The following RELN variants were observed in gnomAD, a reference collection of about 807,000 sequenced individuals.
The protein encoded by RELN is reelin.
A neutral mutation model predicts 427.6 loss-of-function variants in RELN; 108 were observed. That is an observed-to-expected ratio of 0.25 (90% CI 0.22 to 0.30). RELN has a LOEUF of 0.30. Among genes scored for constraint, RELN ranks in the 10% least tolerant of loss-of-function variants. RELN has a pLI of 1.00. For synonymous variants in RELN, 1,524 were observed against 1,513.4 expected (o/e 1.01, Z -0.16); for missense variants, 3,715 against 4,302.8 (o/e 0.86, Z 3.82).
chr7:103,866,319 T>A (rs1464991169), intron 2 of RELN, among the ~76,000 whole-genome samples: 1 of 151,952 alleles, frequency 6.6e-6, no homozygotes, highest in Admixed American at 6.6e-5. Flanking sequence ...GAAAAACATA[T>A]CAAAACAGAT....
chr7:103,548,336 A>G (rs967589886), intron 41 of RELN, among the ~76,000 whole-genome samples: 1 of 152,188 alleles, frequency 6.6e-6, no homozygotes, highest in Non-Finnish European at 1.5e-5. Flanking sequence ...ATTTTTGTAT[A>G]TATATATGCT....
intron 8 of RELN, among the ~76,000 whole-genome samples, chr7:103,718,316 A>T (rs1311724734): frequency 2.9e-5 from 4 of 135,886 alleles, no homozygotes; most frequent in African/African-American, 5.7e-5. Flanking sequence ...AAATGATAAA[A>T]ACAAAAACAA....
intron 8 of RELN, among the ~76,000 whole-genome samples, chr7:103,704,508 T>C (rs1183285929): frequency 6.6e-6 from 1 of 152,092 alleles, no homozygotes; most frequent in Non-Finnish European, 1.5e-5. Context: ...ATGAAATATT[T>C]CTGTTATAAT....
chr7:103,854,461 T>C (rs899517254), intron 2 of RELN, among the ~76,000 whole-genome samples: 1 of 152,184 alleles, frequency 6.6e-6, no homozygotes, highest in Non-Finnish European at 1.5e-5. Flanking sequence ...TAAAATATTT[T>C]TATTGAGGTA....
At chr7:103,747,733 A>G (rs1164426332) in intron 6 of RELN, among the ~76,000 whole-genome samples, 1 of 150,960 alleles carries the variant, frequency 6.6e-6, no homozygotes, top group East Asian at 1.9e-4. Context: ...TCCAAAGCAT[A>G]TTTGATAAAA....
rs537988623 is a variant in RELN at position 103,626,477 on chromosome 7, A to G, written c.2702+3463T>C. On this transcript the variant is annotated intron_variant, in intron 20 of 64. Coordinates refer to ENST00000428762, the MANE Select transcript of RELN (RefSeq NM_005045.4). This position sits in a 1 kb window ranked among gnomAD's most constrained non-coding sequence, Gnocchi z 4.4. ...GCGATTCTTGTGCCTCAACCTCCCAAATAGCTGGGATTACAGGCATGTGTC... is the reference window on the plus strand; with the variant it reads ...GCGATTCTTGTGCCTCAACCTCCCAGATAGCTGGGATTACAGGCATGTGTC... Among the ~76,000 whole-genome samples, 2 of 152,090 alleles carry G rather than the reference A, an allele frequency of 1.3e-5. No individual in the cohort carries two copies. Among genetic ancestry groups the G allele is most frequent in the African/African-American group, 4.8e-5 (2 of 41,506 alleles).
At chr7:103,580,601 TG>T in intron 28 of RELN, among the ~76,000 whole-genome samples, 1 of 152,184 alleles carries the variant, frequency 6.6e-6, no homozygotes. Context: ...CAATAGTTTT[TG>T]GGGGTACAGG....
At chr7:103,517,737 G>A (rs1829601043) in intron 49 of RELN, among the ~76,000 whole-genome samples, 1 of 152,174 alleles carries the variant, frequency 6.6e-6, no homozygotes, top group African/African-American at 2.4e-5. Context: ...AATGCAAGTG[G>A]AAGATTTAAA....
intron 45 of RELN, among the ~76,000 whole-genome samples, chr7:103,538,285 C>G (rs867365085): frequency 2.0e-5 from 3 of 152,096 alleles, no homozygotes; most frequent in African/African-American, 7.2e-5. Flanking sequence ...TAAAACTGAA[C>G]GGGGACCTTG....
chr7:103,484,276 A>G, intron 61 of RELN: 1 of 206,836 alleles, frequency 4.8e-6, no homozygotes, highest in East Asian at 1.2e-4. Flanking sequence ...CAAGTTCATA[A>G]TATAATAGAA....
At chr7:103,755,436 A>G (rs989667791) in intron 4 of RELN, among the ~76,000 whole-genome samples, 10 of 151,946 alleles carry the variant, frequency 6.6e-5, no homozygotes, top group East Asian at 1.9e-4. Context: ...GTGAAACCCC[A>G]TCTCTACTAA....
intron 2 of RELN, among the ~76,000 whole-genome samples, chr7:103,850,677 A>G (rs1793800197): frequency 6.6e-6 from 1 of 152,216 alleles, no homozygotes; most frequent in African/African-American, 2.4e-5. Context: ...TTTCTTTCGC[A>G]GCTGGAAGGC....
intron 28 of RELN, among the ~76,000 whole-genome samples, chr7:103,581,855 C>T (rs1276346009): frequency 2.0e-5 from 3 of 151,936 alleles, no homozygotes; most frequent in African/African-American, 7.3e-5. Flanking sequence ...CTGACCCAGA[C>T]TCTTACCAAC....
At chr7:103,917,484 C>T (rs1795511169) in intron 1 of RELN, among the ~76,000 whole-genome samples, 1 of 151,752 alleles carries the variant, frequency 6.6e-6, no homozygotes, top group African/African-American at 2.4e-5. Flanking sequence ...GATGGTTTCC[C>T]CACCTCCACT....
At chr7:103,616,714 C>CT (rs1475169214) in intron 20 of RELN, among the ~76,000 whole-genome samples, 1 of 151,922 alleles carries the variant, frequency 6.6e-6, no homozygotes, top group Non-Finnish European at 1.5e-5. Context: ...TGCTTTACTC[C>CT]TTTTTACAAC....
intron 3 of RELN, among the ~76,000 whole-genome samples, chr7:103,797,909 A>G (rs1792348883): frequency 6.6e-6 from 1 of 152,236 alleles, no homozygotes; most frequent in Non-Finnish European, 1.5e-5. Context: ...CTCAATCACT[A>G]CATCTGACAA....
At position 103,837,947 on chromosome 7, in the gene RELN, T is replaced by C. The variant is rs113230701; in HGVS notation, c.338-4275A>G. 8.5e-3 allele frequency among the ~76,000 whole-genome samples: 1,285 copies of C among 152,054 alleles called. 15 individuals are homozygous for C. The highest frequency in any genetic ancestry group is 0.029 in the African/African-American group (1,194 of 41,496). The stretch of plus-strand genomic sequence containing the variant: ...GAAGGGCCAGGCGTGGTGGCTCATG[T>C]CTGTAATCCCAGCACTTTGGGAGGC... On this transcript the variant is annotated intron_variant, in intron 2 of 64. Coordinates refer to ENST00000428762, the MANE Select transcript of RELN (RefSeq NM_005045.4).
At chr7:103,860,612 T>C (rs1309602788) in intron 2 of RELN, among the ~76,000 whole-genome samples, 1 of 152,140 alleles carries the variant, frequency 6.6e-6, no homozygotes, top group South Asian at 2.1e-4. Context: ...TGGCTTATAT[T>C]GGCTAGAGAA....
intron 4 of RELN, among the ~76,000 whole-genome samples, chr7:103,775,100 G>A (rs1002777362): frequency 6.6e-6 from 1 of 152,078 alleles, no homozygotes; most frequent in Non-Finnish European, 1.5e-5. Flanking sequence ...AATGGTAAAT[G>A]TTAATAAAAT....
Sources: allele counts gnomAD v4.1 joint callset (sites outside exome capture counted in the v4.1 genomes callset), GRCh38; gene constraint gnomAD v4.1.1; non-coding constraint Gnocchi (gnomAD v3.1); transcripts MANE v1.5; gene names NCBI Gene and HGNC (gene_info 2026-07-23, HGNC 2026-07-21).